Variants in CACNA2D1 observed in about 807,000 individuals in gnomAD.
CACNA2D1 encodes voltage-dependent calcium channel subunit alpha-2/delta-1.
CACNA2D1 carries 53 observed loss-of-function variants against 171.5 expected under a neutral mutation model. The ratio of observed to expected loss-of-function variants is 0.31; its 90% CI spans 0.25 to 0.39. The LOEUF is 0.39. CACNA2D1 is among the 10% of genes least tolerant of loss of function. The pLI, the probability that CACNA2D1 is intolerant of heterozygous loss-of-function variation, is 1.00. For missense variants in CACNA2D1, 903 were observed against 1,299.8 expected, an observed-to-expected ratio of 0.69 and a Z score of 4.69; for synonymous variants, 442 against 443.1, an observed-to-expected ratio of 1.00 and a Z score of 0.03.
At chr7:81,962,666 G>A (rs1584194905) in intron 34 of CACNA2D1, among the ~76,000 whole-genome samples, 171 bp from the exon 35 acceptor site, 1 of 151,848 alleles carries the variant, frequency 6.6e-6, no homozygotes, top group Non-Finnish European at 1.5e-5. Flanking sequence ...TTTTTGTAAT[G>A]TGTAAAAGAA....
chr7:82,214,820 A>C (rs1800937083), intron 3 of CACNA2D1, among the ~76,000 whole-genome samples: 1 of 152,208 alleles, frequency 6.6e-6, no homozygotes, highest in African/African-American at 2.4e-5. Context: ...ATAATTTACA[A>C]ACCTCCAAAA....
chr7:82,315,975 T>A (rs181194629), intron 3 of CACNA2D1, among the ~76,000 whole-genome samples: 24 of 152,156 alleles, frequency 1.6e-4, no homozygotes, highest in East Asian at 3.9e-4. Flanking sequence ...GTTTTTTTTT[T>A]AAATATTATT....
At chr7:82,033,076 C>A in intron 11 of CACNA2D1, 175 bp from the exon 12 acceptor site, 2 of 529,346 alleles carry the variant, frequency 3.8e-6, no homozygotes, top group Non-Finnish European at 3.4e-6. Flanking sequence ...CTTCACCAGG[C>A]CTTCCCCTCA....
chr7:82,178,411 G>A (rs933673394), intron 3 of CACNA2D1, among the ~76,000 whole-genome samples: 1 of 152,006 alleles, frequency 6.6e-6, no homozygotes, highest in Non-Finnish European at 1.5e-5. Context: ...CTTCTTTTGG[G>A]TCTACAGCGC....
At chr7:82,398,335 C>G (rs903981978) in intron 1 of CACNA2D1, among the ~76,000 whole-genome samples, 1 of 152,190 alleles carries the variant, frequency 6.6e-6, no homozygotes, top group Admixed American at 6.5e-5. Context: ...AGACAAACAT[C>G]ATTCCATTCA....
chr7:81,951,975 T>TTTTTTTGTTTTTGTTTTG (rs1792615142), intron 38 of CACNA2D1, among the ~76,000 whole-genome samples: 1 of 147,376 alleles, frequency 6.8e-6, no homozygotes, highest in Non-Finnish European at 1.5e-5. Flanking sequence ...AAGTGTTTTT[T>TTTTTTTGTTTTTGTTTTG]TTTTTTTTTT....
intron 3 of CACNA2D1, among the ~76,000 whole-genome samples, chr7:82,246,199 C>T (rs976574076): frequency 1.7e-4 from 26 of 150,792 alleles, no homozygotes; most frequent in Non-Finnish European, 3.8e-4. Flanking sequence ...ATCTTAAGTA[C>T]TGTCTTTGCA....
At chr7:82,306,708 T>C (rs1187461012) in intron 3 of CACNA2D1, among the ~76,000 whole-genome samples, 1 of 152,178 alleles carries the variant, frequency 6.6e-6, no homozygotes, top group Non-Finnish European at 1.5e-5. Flanking sequence ...AAATGCCACT[T>C]ATATCCATGG....
chr7:82,296,236 G>A (rs902375664), intron 3 of CACNA2D1, among the ~76,000 whole-genome samples: 6 of 151,268 alleles, frequency 4.0e-5, no homozygotes, highest in Non-Finnish European at 7.4e-5. Context: ...TTGTGCACAC[G>A]TACCCTAAAA....
rs141805848 is a variant in CACNA2D1, at chr7:82,033,801, C to T, written c.1039-900G>A. ...ATTAATTTAGAAAGCTGGACTTCTC[C>T]GAGGTCCAAAATTATTATCTTAACT... On this transcript the variant is annotated intron_variant, in intron 11 of 38. Coordinates refer to ENST00000356860, the MANE Select transcript of CACNA2D1 (RefSeq NM_000722.4). Among the ~76,000 whole-genome samples the T allele has an allele frequency of 1.3e-3, 200 of 152,100 alleles. 2 individuals carry two copies. Among genetic ancestry groups the T allele is most frequent in the East Asian group, 6.4e-3 (33 of 5,168 alleles).
At chr7:82,274,218 C>T (rs73705898) in intron 3 of CACNA2D1, among the ~76,000 whole-genome samples, 1 of 134,138 alleles carries the variant, frequency 7.5e-6, no homozygotes, top group African/African-American at 4.0e-5. Context: ...TCTTCCTCTC[C>T]AGTCACTGAG....
Position 81,946,554 on chromosome 7 carries a change from A to T in CACNA2D1, c.*3838T>A. ...ATAACAGTATTATACAAATTTTTAC[A>T]AAATGTTTTTATCAGGCTAGGTAAT... On this transcript the variant is annotated 3_prime_UTR_variant, in exon 39 of 39. Coordinates refer to ENST00000356860, the MANE Select transcript of CACNA2D1 (RefSeq NM_000722.4). 1 of 152,286 alleles carries T rather than the reference A, an allele frequency of 6.6e-6. No individual in the cohort carries two copies. Among genetic ancestry groups the T allele is most frequent in the African/African-American group, 2.4e-5 (1 of 41,580 alleles). The allele number at this position is 152,286 out of a possible 1,614,324, so 9.4% of individuals were successfully genotyped here. A position where few individuals can be genotyped will look rare whatever the true frequency, so the allele number is the denominator to read the frequency against.
intron 1 of CACNA2D1, among the ~76,000 whole-genome samples, chr7:82,415,275 T>G (rs1456005167): frequency 6.6e-6 from 1 of 152,148 alleles, no homozygotes; most frequent in Non-Finnish European, 1.5e-5. Context: ...GGCTCACATC[T>G]GTAATCCCAG....
intron 6 of CACNA2D1, among the ~76,000 whole-genome samples, chr7:82,086,995 TACTA>T (rs1356784434): frequency 1.3e-5 from 2 of 152,166 alleles, no homozygotes; most frequent in Non-Finnish European, 2.9e-5. Flanking sequence ...GACAAGCCAT[TACTA>T]AGGTAGATTT....
At chr7:81,979,300 T>C (rs564166456) in intron 24 of CACNA2D1, among the ~76,000 whole-genome samples, 3 of 150,190 alleles carry the variant, frequency 2.0e-5, no homozygotes, top group South Asian at 2.1e-4. Context: ...AAACTTTGAA[T>C]TGTAAAAAAA....
In CACNA2D1 at chr7:81,948,287, G is replaced by C. The variant is rs1321906083; in HGVS notation, c.*2105C>G. The stretch of plus-strand genomic sequence containing the variant: ...CAACATGATTAAAACATTGTTACTA[G>C]AGTGAGAAGTTTTTTTCCCCACATA... On this transcript the variant is annotated 3_prime_UTR_variant, in exon 39 of 39. Transcript: ENST00000356860. 1 of 151,758 alleles carries C rather than the reference G, an allele frequency of 6.6e-6. No homozygotes were observed. The highest frequency in any genetic ancestry group is 2.4e-5 in the African/African-American group (1 of 41,390). The allele number at this position is 151,758 out of a possible 1,614,324, so 9.4% of individuals were successfully genotyped here.
chr7:82,336,630 A>G (rs561036864), intron 2 of CACNA2D1, among the ~76,000 whole-genome samples: 217 of 152,304 alleles, frequency 1.4e-3, no homozygotes, highest in Non-Finnish European at 9.9e-4. Context: ...TCTGCTAAGA[A>G]GCAGATTATT....
chr7:82,138,740 C>A (rs1182806265), intron 4 of CACNA2D1, among the ~76,000 whole-genome samples: 2 of 152,014 alleles, frequency 1.3e-5, no homozygotes, highest in African/African-American at 2.4e-5. Context: ...GCCACCGCGC[C>A]CGACCTTATA....
In CACNA2D1 at chr7:81,997,233, C is replaced by T. The variant is rs369435463; in HGVS notation, c.1608G>A (p.Glu536=). ...NLQPKNPKSQ[E]PVTLDFLDAE... The stretch of plus-strand genomic sequence containing the variant: ...CATCAAGGAAATCCAATGTTACTGG[C>T]TCCTGAGATTTGGGGTTCTACACAG... The change falls in exon 19 of 39, where the codon GAG becomes GAA. Residue 536 remains glutamate (E), a synonymous_variant. Coordinates refer to ENST00000356860, the MANE Select transcript of CACNA2D1 (RefSeq NM_000722.4). 8.7e-6 allele frequency: 14 copies of T among 1,603,678 alleles called. No individual in the cohort carries two copies. In the African/African-American group the frequency reaches 1.9e-4, roughly 21 times the overall value.
Sources: gnomAD v4.1 joint callset for allele counts (sites outside exome capture counted in the v4.1 genomes callset) on GRCh38, gnomAD v4.1.1 for gene constraint, MANE v1.5 for transcripts, NCBI Gene and HGNC (gene_info 2026-07-23, HGNC 2026-07-21) for gene names.